The following ZCCHC7 variants were observed in gnomAD, a reference collection of about 807,000 sequenced individuals.
The protein encoded by ZCCHC7 is zinc finger CCHC domain-containing protein 7.
A neutral mutation model predicts 52.0 loss-of-function variants in ZCCHC7; 35 were observed. That is an observed-to-expected ratio of 0.67 (90% CI 0.51 to 0.89). The LOEUF (loss-of-function observed/expected upper bound fraction) is 0.89. Among genes scored for constraint, ZCCHC7 ranks in the 40% least tolerant of loss-of-function variants. The pLI is 0.00. For synonymous variants in ZCCHC7, 217 were observed against 221.5 expected (o/e 0.98, Z 0.18); for missense variants, 574 against 649.1 (o/e 0.88, Z 1.26).
intron 2 of ZCCHC7, among the ~76,000 whole-genome samples, chr9:37,214,438 T>G: frequency 6.6e-6 from 1 of 152,056 alleles, no homozygotes; most frequent in South Asian, 2.1e-4. Flanking sequence ...CAGTTTAGCT[T>G]TTTCAGCTGC....
At chr9:37,288,517 T>C (rs1465573737) in intron 2 of ZCCHC7, among the ~76,000 whole-genome samples, 1 of 152,084 alleles carries the variant, frequency 6.6e-6, no homozygotes, top group African/African-American at 2.4e-5. Context: ...ATTTCTTTTG[T>C]GGTCAAAATC....
intron 2 of ZCCHC7, among the ~76,000 whole-genome samples, chr9:37,245,001 G>T (rs965801033): frequency 6.6e-6 from 1 of 151,856 alleles, no homozygotes; most frequent in African/African-American, 2.4e-5. Flanking sequence ...TTTTCTCACT[G>T]ATTTTATGGG....
intron 6 of ZCCHC7, among the ~76,000 whole-genome samples, chr9:37,341,217 G>A (rs1482415269): frequency 6.6e-6 from 1 of 152,114 alleles, no homozygotes; most frequent in Non-Finnish European, 1.5e-5. Flanking sequence ...TGAAGTAGGG[G>A]AGACAATAAG....
At chr9:37,268,059 C>T (rs1159699540) in intron 2 of ZCCHC7, among the ~76,000 whole-genome samples, 1 of 152,072 alleles carries the variant, frequency 6.6e-6, no homozygotes, top group East Asian at 1.9e-4. Flanking sequence ...TTTCTCTAAG[C>T]CCTATTAGCA....
chr9:37,133,869 G>A (rs552220906), intron 2 of ZCCHC7, among the ~76,000 whole-genome samples: 2 of 152,276 alleles, frequency 1.3e-5, no homozygotes, highest in South Asian at 2.1e-4. Context: ...AATTATAGGC[G>A]TGAGCCACCG....
At chr9:37,235,894 C>CT (rs961661938) in intron 2 of ZCCHC7, among the ~76,000 whole-genome samples, 52 of 151,652 alleles carry the variant, frequency 3.4e-4, no homozygotes, top group South Asian at 1.3e-3. Flanking sequence ...GGCCCTTATT[C>CT]TTTTTTTAAT....
intron 2 of ZCCHC7, among the ~76,000 whole-genome samples, chr9:37,287,754 A>T (rs1352902617): frequency 6.6e-6 from 1 of 152,148 alleles, no homozygotes; most frequent in African/African-American, 2.4e-5. Context: ...TTATAGGTAC[A>T]TTTATGTAGC....
Position 37,153,190 on chromosome 9 carries a change from A to T in ZCCHC7, c.610+26248A>T, listed in dbSNP as rs183394319. Among the ~76,000 whole-genome samples the T allele has an allele frequency of 6.1e-4, 93 of 151,638 alleles. No homozygotes were observed. The East Asian group carries it at 0.017, about 28-fold the overall frequency. Reference sequence around the variant, plus strand: ...TTGATTGATTGATTGATTGATTTAGAGATGGAGTCTTGCTCTTTTGCCCAG... The same window carrying T: ...TTGATTGATTGATTGATTGATTTAGTGATGGAGTCTTGCTCTTTTGCCCAG... On this transcript the variant is annotated intron_variant, in intron 2 of 8. Coordinates refer to ENST00000336755, the MANE Select transcript of ZCCHC7 (RefSeq NM_032226.3).
intron 6 of ZCCHC7, among the ~76,000 whole-genome samples, chr9:37,348,059 T>C (rs1181727787): frequency 6.6e-6 from 1 of 152,200 alleles, no homozygotes; most frequent in African/African-American, 2.4e-5. Flanking sequence ...ATGGTGATCC[T>C]GTCCACTCTA....
At chr9:37,181,547 A>G (rs1034857561) in intron 2 of ZCCHC7, among the ~76,000 whole-genome samples, 9 of 152,268 alleles carry the variant, frequency 5.9e-5, no homozygotes, top group African/African-American at 2.2e-4. Flanking sequence ...ATAAAAAGGA[A>G]TGAAGTACAG....
chr9:37,212,849 C>T (rs534662391), intron 2 of ZCCHC7, among the ~76,000 whole-genome samples: 1 of 152,100 alleles, frequency 6.6e-6, no homozygotes, highest in African/African-American at 2.4e-5. Flanking sequence ...CCATGCTTGT[C>T]CAAAGAACAC....
In ZCCHC7 at chr9:37,354,181, C is replaced by A. The variant is rs559034729; in HGVS notation, c.1084-529C>A. ...GCATAACCTACCACCAACCTACCCC[C>A]CACCGTTAAGAATCACTACCCCTAT... On this transcript the variant is annotated intron_variant, in intron 7 of 8. Transcript: ENST00000336755. The surrounding 1 kb of genome is among the most constrained non-coding windows in gnomAD (Gnocchi z 4.0). 6.6e-6 allele frequency among the ~76,000 whole-genome samples: 1 copy of A among 152,098 alleles called. No individual in the cohort carries two copies. The highest frequency in any genetic ancestry group is 2.4e-5 in the African/African-American group (1 of 41,424).
chr9:37,189,180 G>A, intron 2 of ZCCHC7, among the ~76,000 whole-genome samples: 1 of 151,114 alleles, frequency 6.6e-6, no homozygotes, highest in Non-Finnish European at 1.5e-5. Flanking sequence ...GTTTGCCCTT[G>A]TTGGAACATT....
chr9:37,347,192 C>T (rs548106199), intron 6 of ZCCHC7, among the ~76,000 whole-genome samples: 4 of 150,378 alleles, frequency 2.7e-5, no homozygotes, highest in Non-Finnish European at 4.4e-5. Context: ...TCCATCATCT[C>T]CTTTCCTCCT....
chr9:37,190,732 A>G (rs1822971894), intron 2 of ZCCHC7, among the ~76,000 whole-genome samples: 1 of 152,232 alleles, frequency 6.6e-6, no homozygotes, highest in Admixed American at 6.5e-5. Context: ...GAATACATGC[A>G]TTAGGCTGGG....
chr9:37,326,253 G>A (rs651082), intron 5 of ZCCHC7: 1 of 152,004 alleles, frequency 6.6e-6, no homozygotes, highest in African/African-American at 2.4e-5. Flanking sequence ...ATATTCTTAA[G>A]AACTTTTGTA....
intron 2 of ZCCHC7, among the ~76,000 whole-genome samples, chr9:37,169,474 C>T (rs1821612030): frequency 6.6e-6 from 1 of 152,050 alleles, no homozygotes; most frequent in African/African-American, 2.4e-5. Flanking sequence ...ACTAGACGTG[C>T]GCCAGCTTCT....
chr9:37,284,394 A>C (rs891460029), intron 2 of ZCCHC7: 1 of 152,196 alleles, frequency 6.6e-6, no homozygotes, highest in African/African-American at 2.4e-5. Flanking sequence ...TATACACACA[A>C]AAAAATACCT....
chr9:37,280,422 A>G (rs541933219), intron 2 of ZCCHC7, among the ~76,000 whole-genome samples: 11 of 152,326 alleles, frequency 7.2e-5, no homozygotes, highest in Non-Finnish European at 1.3e-4. Context: ...ACAAAATCCA[A>G]TAATTATAGA....
Sources: gnomAD v4.1 joint callset for allele counts (sites outside exome capture counted in the v4.1 genomes callset) on GRCh38, gnomAD v4.1.1 for gene constraint, Gnocchi (gnomAD v3.1) non-coding constraint, MANE v1.5 for transcripts, NCBI Gene and HGNC (gene_info 2026-07-23, HGNC 2026-07-21) for gene names.